Variants in PCDHGB3 observed in about 807,000 individuals in gnomAD.
PCDHGB3 encodes protocadherin gamma-B3.
A neutral mutation model predicts 59.2 loss-of-function variants in PCDHGB3; 40 were observed. That is an observed-to-expected ratio of 0.68 (90% CI 0.52 to 0.88). The LOEUF is 0.88. Among genes scored for constraint, PCDHGB3 ranks in the 40% least tolerant of loss-of-function variants. The pLI is 0.00. For synonymous variants in PCDHGB3, 581 were observed against 503.6 expected (o/e 1.15, Z -2.06); for missense variants, 1,309 against 1,187.9 (o/e 1.10, Z -1.50).
chr5:141,424,018 CACAA>C (rs909442976), intron 1 of PCDHGB3: 3 of 1,051,682 alleles, frequency 2.9e-6, no homozygotes, highest in South Asian at 4.6e-5. Context: ...ATTAATGATT[CACAA>C]ACACTTTTTA....
intron 1 of PCDHGB3, among the ~76,000 whole-genome samples, chr5:141,473,033 G>A (rs1199215390): frequency 1.4e-5 from 2 of 146,282 alleles, no homozygotes. Flanking sequence ...AAGGAAGGAA[G>A]GAAAGAAAGA....
intron 1 of PCDHGB3, chr5:141,418,245 A>G: frequency 5.6e-6 from 9 of 1,614,046 alleles, no homozygotes; most frequent in Non-Finnish European, 7.6e-6. Flanking sequence ...GTTAATGACC[A>G]CGCCCCTCAA....
At chr5:141,497,223 T>C (rs921763195) in intron 2 of PCDHGB3, among the ~76,000 whole-genome samples, 1 of 151,762 alleles carries the variant, frequency 6.6e-6, no homozygotes, top group Admixed American at 6.6e-5. Context: ...GGGGGGAAGA[T>C]CAGAGAAGGC....
Position 141,371,060 on chromosome 5 carries a change from A to G in PCDHGB3, c.666A>G (p.Arg222=). 6.2e-7 allele frequency: 1 copy of G among 1,613,980 alleles called. No homozygotes were observed. The highest frequency in any genetic ancestry group is 8.5e-7 in the Non-Finnish European group (1 of 1,179,880). Residue 222 remains arginine (R), a synonymous_variant, in exon 1 of 4, where the codon AGA becomes AGG. Coordinates refer to ENST00000576222, the MANE Select transcript of PCDHGB3 (RefSeq NM_018924.5). ...CTGTGGATGGGGGCGAGCCCTCCAG[A>G]AGCTGTACCACCCAGATCAGGGTAA... is the stretch of plus-strand genomic sequence containing the variant. The part of the protein sequence containing the change: ...LTAVDGGEPS[R]SCTTQIRVIV...
At position 141,410,085 on chromosome 5, in the gene PCDHGB3, C is replaced by G; in HGVS notation, c.2415+37276C>G. 3 of 1,612,476 alleles carry G rather than the reference C, an allele frequency of 1.9e-6. No homozygotes were observed. In the South Asian group the frequency reaches 3.3e-5, roughly 18 times the overall value. On this transcript the variant is annotated intron_variant, in intron 1 of 3. Transcript: ENST00000576222. Reference sequence around the variant, plus strand: ...GGGCTGCGCACTGGGGAGGTGCGCACGGCTCGAGCCTTAGGCGACAGGGAC... The same window carrying G: ...GGGCTGCGCACTGGGGAGGTGCGCAGGGCTCGAGCCTTAGGCGACAGGGAC...
rs756330109 is a variant in PCDHGB3, at chr5:141,432,621, T to A, written c.2415+59812T>A. ...GAGCCGGGACTCTTCTCGGTGGGTC[T>A]GCACACGGGCGAGGTGCGCACGGCG... On this transcript the variant is annotated intron_variant, in intron 1 of 3. Transcript: ENST00000576222. This position sits in a 1 kb window ranked among gnomAD's most constrained non-coding sequence, Gnocchi z 6.0. The A allele has an allele frequency of 3.1e-6, 5 of 1,612,942 alleles. No homozygotes were observed. Among genetic ancestry groups the A allele is most frequent in the Admixed American group, 1.7e-5 (1 of 59,962 alleles).
chr5:141,370,583 T>C lies in PCDHGB3; in HGVS notation c.189T>C (p.Thr63=), dbSNP rs376045764. 30 of 1,613,706 alleles carry C rather than the reference T, an allele frequency of 1.9e-5. No individual in the cohort carries two copies. In the African/African-American group the frequency reaches 3.6e-4, roughly 19 times the overall value. Reference sequence around the variant, plus strand: ...GGTTTGGCGTGGGGGATTTACCTACTAGGAACCTGCGGGTTATTGCAGAGA... The same window carrying C: ...GGTTTGGCGTGGGGGATTTACCTACCAGGAACCTGCGGGTTATTGCAGAGA... The part of the protein sequence containing the change: ...DLGFGVGDLP[T]RNLRVIAEKK... The change falls in exon 1 of 4, where the codon ACT becomes ACC. Residue 63 remains threonine, a synonymous_variant. Coordinates refer to ENST00000576222, the MANE Select transcript of PCDHGB3 (RefSeq NM_018924.5).
Position 141,486,059 on chromosome 5 carries a change from C to A in PCDHGB3, c.2416-8748C>A. On this transcript the variant is annotated intron_variant, in intron 1 of 3. Transcript: ENST00000576222. This position sits in a 1 kb window ranked among gnomAD's most constrained non-coding sequence, Gnocchi z 5.0. ...TCGTGTAAGAAACCTCTTTAGCCTG[C>A]ACCCCACTACTGGAAAGCTTACTCT... 1 of 1,614,152 alleles carries A rather than the reference C, an allele frequency of 6.2e-7. No homozygotes were observed. Among genetic ancestry groups the A allele is most frequent in the Non-Finnish European group, 8.5e-7 (1 of 1,180,010 alleles).
At chr5:141,402,882 G>A in intron 1 of PCDHGB3, 1 of 1,479,680 alleles carries the variant, frequency 6.8e-7, no homozygotes, top group South Asian at 1.4e-5. Context: ...TACTTTGCAG[G>A]GTGGAAGAAA....
intron 1 of PCDHGB3, chr5:141,426,927 A>G (rs1480193041): frequency 2.2e-6 from 1 of 456,634 alleles, no homozygotes; most frequent in African/African-American, 2.0e-5. Flanking sequence ...AGCAATGGAC[A>G]TGGGTGACCC....
intron 1 of PCDHGB3, among the ~76,000 whole-genome samples, chr5:141,453,216 C>T (rs565229516): frequency 8.5e-5 from 13 of 152,080 alleles, no homozygotes; most frequent in Non-Finnish European, 1.0e-4. Context: ...TGCACTTAAG[C>T]GATCCTCCCA....
chr5:141,384,374 C>A, intron 1 of PCDHGB3: 1 of 1,613,920 alleles, frequency 6.2e-7, no homozygotes, highest in Non-Finnish European at 8.5e-7. Flanking sequence ...TATTCCTTGG[C>A]CGAAGACACC....
chr5:141,424,880 C>G (rs2096845847), intron 1 of PCDHGB3, among the ~76,000 whole-genome samples: 1 of 152,162 alleles, frequency 6.6e-6, no homozygotes, highest in Admixed American at 6.5e-5. Context: ...GGAAAGGAGA[C>G]TTATCTAGGG....
chr5:141,429,638 A>G (rs2097231013), intron 1 of PCDHGB3, among the ~76,000 whole-genome samples: 1 of 152,238 alleles, frequency 6.6e-6, no homozygotes, highest in African/African-American at 2.4e-5. Flanking sequence ...ACAGCTACCT[A>G]TATATTTCTT....
chr5:141,504,474 G>A (rs903417314), intron 2 of PCDHGB3, among the ~76,000 whole-genome samples: 1 of 152,066 alleles, frequency 6.6e-6, no homozygotes, highest in African/African-American at 2.4e-5. Context: ...TGGGATGGGA[G>A]TACAGTGGAG....
chr5:141,430,930 G>A, intron 1 of PCDHGB3: 2 of 1,607,320 alleles, frequency 1.2e-6, no homozygotes, highest in Non-Finnish European at 1.7e-6. Context: ...TGGAGCCCCG[G>A]GAGCTCGCGG....
chr5:141,511,713 C>T lies in PCDHGB3; in HGVS notation c.*540C>T. 5.4e-6 allele frequency: 1 copy of T among 186,446 alleles called. No individual in the cohort carries two copies. Among genetic ancestry groups the T allele is most frequent in the Admixed American group, 5.3e-5 (1 of 18,840 alleles). The allele number at this position is 186,446 out of a possible 1,614,324, so 11.5% of individuals were successfully genotyped here. ...TTGGTGCCAGCCCCTTCACCTCCTT[C>T]CAGAGCCCAAGATCAATGCTCAAGT... On this transcript the variant is annotated 3_prime_UTR_variant, in exon 4 of 4. Transcript: ENST00000576222.
Position 141,403,122 on chromosome 5 carries a change from G to A in PCDHGB3, c.2415+30313G>A, listed in dbSNP as rs550510039. 4.3e-5 allele frequency: 69 copies of A among 1,613,932 alleles called. No individual in the cohort carries two copies. Among genetic ancestry groups the A allele is most frequent in the East Asian group, 8.9e-5 (4 of 44,898 alleles). ...TCCAAGGACCTGGCTCTGGAGCCCC[G>A]GGAGCTGGCGGAGCGCCGAGTCCGC... On this transcript the variant is annotated intron_variant, in intron 1 of 3. Transcript: ENST00000576222.
At chr5:141,415,285 G>T in intron 1 of PCDHGB3, 1 of 1,614,216 alleles carries the variant, frequency 6.2e-7, no homozygotes. Flanking sequence ...GGTGGCCGCG[G>T]TCTCCTGCGT....
Sources: allele counts gnomAD v4.1 joint callset (sites outside exome capture counted in the v4.1 genomes callset), GRCh38; gene constraint gnomAD v4.1.1; non-coding constraint Gnocchi (gnomAD v3.1); transcripts MANE v1.5; gene names NCBI Gene and HGNC (gene_info 2026-07-23, HGNC 2026-07-21).